Variants in PRKCA observed in about 807,000 individuals in gnomAD.
PRKCA encodes the protein protein kinase C alpha.
Under a neutral mutation model 87.0 loss-of-function variants are expected in PRKCA, and 27 were observed. The observed-to-expected ratio is 0.31, with a 90% CI of 0.23 to 0.43. PRKCA has a LOEUF of 0.43. Among genes scored for constraint, PRKCA ranks in the 20% least tolerant of loss-of-function variants. The pLI is 1.00. For synonymous variants in PRKCA, 329 were observed against 311.1 expected, an observed-to-expected ratio of 1.06 and a Z score of -0.61; for missense variants, 518 against 852.3, an observed-to-expected ratio of 0.61 and a Z score of 4.88.
At chr17:66,490,947 A>C (rs1206194984) in intron 2 of PRKCA, among the ~76,000 whole-genome samples, 1 of 152,220 alleles carries the variant, frequency 6.6e-6, no homozygotes, top group Non-Finnish European at 1.5e-5. Flanking sequence ...ACTTTCGACA[A>C]GTGGTGAAAA....
At chr17:66,308,728 T>C (rs1339057203) in intron 2 of PRKCA, among the ~76,000 whole-genome samples, 12 of 152,192 alleles carry the variant, frequency 7.9e-5, no homozygotes, top group Non-Finnish European at 1.5e-5. Flanking sequence ...TTATTGTTTG[T>C]TGTAACTTAA....
chr17:66,560,358 T>A (rs1281786413), intron 3 of PRKCA, among the ~76,000 whole-genome samples: 1 of 152,200 alleles, frequency 6.6e-6, no homozygotes, highest in African/African-American at 2.4e-5. Flanking sequence ...ATCAAAGCCA[T>A]TTCTATGAAA....
chr17:66,596,081 C>T (rs886119548), intron 3 of PRKCA, among the ~76,000 whole-genome samples: 17 of 152,154 alleles, frequency 1.1e-4, no homozygotes, highest in African/African-American at 4.1e-4. Flanking sequence ...CGTGTGGAGC[C>T]GGCTAGCACG....
intron 14 of PRKCA, among the ~76,000 whole-genome samples, chr17:66,776,890 C>T (rs1421256076): frequency 2.6e-5 from 4 of 152,188 alleles, no homozygotes; most frequent in East Asian, 1.9e-4. Flanking sequence ...CGTGTGTGCT[C>T]AGCTGAGGCA....
chr17:66,319,616 G>A (rs1905528130), intron 2 of PRKCA, among the ~76,000 whole-genome samples: 3 of 152,182 alleles, frequency 2.0e-5, no homozygotes, highest in Non-Finnish European at 2.9e-5. Context: ...TGTCAGATGA[G>A]CAAAACTTTT....
chr17:66,596,225 C>A (rs181591395), intron 3 of PRKCA, among the ~76,000 whole-genome samples: 6 of 152,264 alleles, frequency 3.9e-5, no homozygotes, highest in Non-Finnish European at 8.8e-5. Context: ...TACCTTCTGG[C>A]GTATTTACCG....
At chr17:66,776,091 G>A (rs965353060) in intron 14 of PRKCA, among the ~76,000 whole-genome samples, 10 of 152,356 alleles carry the variant, frequency 6.6e-5, no homozygotes, top group East Asian at 1.9e-4. Flanking sequence ...GTGCAGCCAC[G>A]TTTAAGAAAT....
chr17:66,790,444 C>T (rs73994624), intron 16 of PRKCA, among the ~76,000 whole-genome samples: 6,195 of 152,202 alleles, frequency 0.041, 449 homozygotes, highest in African/African-American at 0.14. Flanking sequence ...CCTCAACATA[C>T]AAAACCCGGT....
chr17:66,784,938 T>A (rs959951996), intron 14 of PRKCA, among the ~76,000 whole-genome samples: 22 of 152,220 alleles, frequency 1.4e-4, no homozygotes, highest in African/African-American at 5.3e-4. Flanking sequence ...TGTGGCCAGC[T>A]GCCCCTGCCC....
At chr17:66,514,279 T>A (rs1026933281) in intron 3 of PRKCA, among the ~76,000 whole-genome samples, 1 of 152,152 alleles carries the variant, frequency 6.6e-6, no homozygotes, top group East Asian at 1.9e-4. Flanking sequence ...TACTTGTACC[T>A]TTCTCTAGTC....
intron 3 of PRKCA, among the ~76,000 whole-genome samples, chr17:66,519,911 C>T (rs982518282): frequency 2.0e-5 from 3 of 152,320 alleles, no homozygotes; most frequent in African/African-American, 7.2e-5. Context: ...GTGCAGTTCT[C>T]CTTACCATGT....
intron 2 of PRKCA, among the ~76,000 whole-genome samples, chr17:66,437,731 T>TTTTTTTTTTTTTTTTGGGG (rs55779501): frequency 9.0e-5 from 1 of 11,142 alleles, no homozygotes; most frequent in Non-Finnish European, 1.6e-4. Context: ...TTTTTTTTTT[T>TTTTTTTTTTTTTTTTGGGG]GAGCGGGGGG....
intron 2 of PRKCA, among the ~76,000 whole-genome samples, chr17:66,480,884 C>T (rs1197364431): frequency 6.6e-6 from 1 of 152,034 alleles, no homozygotes; most frequent in East Asian, 1.9e-4. Context: ...CTGAAGGTAA[C>T]GTTTTCTTGG....
At chr17:66,542,902 G>A (rs1968032336) in intron 3 of PRKCA, among the ~76,000 whole-genome samples, 2 of 152,180 alleles carry the variant, frequency 1.3e-5, no homozygotes, top group Admixed American at 6.5e-5. Context: ...GATTTGATGA[G>A]TCAATGAGGT....
intron 2 of PRKCA, among the ~76,000 whole-genome samples, chr17:66,344,384 T>C (rs541493773): frequency 2.0e-4 from 30 of 152,278 alleles, no homozygotes; most frequent in Admixed American, 2.0e-3. Flanking sequence ...TGCCGGGCGC[T>C]GTGGCTCACG....
At chr17:66,775,847 AGAG>A (rs1168515413) in intron 14 of PRKCA, 8 of 810,308 alleles carry the variant, frequency 9.9e-6, no homozygotes, top group Middle Eastern at 6.2e-4. Context: ...CTTACAGCTT[AGAG>A]GAGGAGAGAC....
At chr17:66,330,338 C>G (rs1292081363) in intron 2 of PRKCA, among the ~76,000 whole-genome samples, 1 of 152,020 alleles carries the variant, frequency 6.6e-6, no homozygotes, top group African/African-American at 2.4e-5. Flanking sequence ...AGCTCCTGAC[C>G]TCAGGTGATC....
chr17:66,582,039 G>T (rs1354083115), intron 3 of PRKCA, among the ~76,000 whole-genome samples: 1 of 152,190 alleles, frequency 6.6e-6, no homozygotes, highest in Non-Finnish European at 1.5e-5. Context: ...AGTCACGGAG[G>T]ATCCTAGTTG....
chr17:66,612,391 A>AG (rs1272079990), intron 3 of PRKCA, among the ~76,000 whole-genome samples: 1 of 151,106 alleles, frequency 6.6e-6, no homozygotes, highest in Non-Finnish European at 1.5e-5. Context: ...CAAAAAAAAA[A>AG]AAAAAAAAAA....
Sources: allele counts gnomAD v4.1 joint callset (sites outside exome capture counted in the v4.1 genomes callset), GRCh38; gene constraint gnomAD v4.1.1; transcripts MANE v1.5; gene names NCBI Gene and HGNC (gene_info 2026-07-23, HGNC 2026-07-21).